PPFIA2: variants seen among roughly 807,000 people sequenced by gnomAD.
The protein encoded by PPFIA2 is PPFI scaffold protein A2, also known as liprin-alpha-2.
In PPFIA2, 46 loss-of-function variants were observed where a neutral mutation model predicts 175.5. The ratio of observed to expected loss-of-function variants is 0.26; its 90% CI spans 0.21 to 0.34. The LOEUF (loss-of-function observed/expected upper bound fraction) is 0.34. Ranked by LOEUF, PPFIA2 falls within the 10% of genes least tolerant of loss-of-function variation. PPFIA2 has a pLI of 1.00. For synonymous variants in PPFIA2, 568 were observed against 511.4 expected (o/e 1.11, Z -1.49); for missense variants, 1,179 against 1,506.1 (o/e 0.78, Z 3.60).
intron 18 of PPFIA2, among the ~76,000 whole-genome samples, chr12:81,345,861 C>T (rs960436659): frequency 4.8e-4 from 73 of 152,130 alleles, no homozygotes; most frequent in African/African-American, 1.7e-3. Flanking sequence ...AATGTAGTTC[C>T]GTATGTTTGG....
At chr12:81,414,280 T>C (rs1399315644) in intron 7 of PPFIA2, among the ~76,000 whole-genome samples, 1 of 151,730 alleles carries the variant, frequency 6.6e-6, no homozygotes, top group African/African-American at 2.4e-5. Context: ...GTGGTCTGAT[T>C]GCAGGGGGCT....
At chr12:81,479,823 C>G (rs889535737) in intron 4 of PPFIA2, among the ~76,000 whole-genome samples, 3 of 152,138 alleles carry the variant, frequency 2.0e-5, no homozygotes, top group Non-Finnish European at 4.4e-5. Flanking sequence ...ACATTTTTCT[C>G]TGGCTGCCCT....
chr12:81,649,091 A>C (rs1426411746), intron 4 of PPFIA2, among the ~76,000 whole-genome samples: 3 of 152,084 alleles, frequency 2.0e-5, no homozygotes, highest in Non-Finnish European at 4.4e-5. Context: ...CCTCAAAAAC[A>C]AGGAAAAAAA....
intron 11 of PPFIA2, 63 bp from the exon 12 acceptor site, chr12:81,369,257 T>C: frequency 1.3e-6 from 2 of 1,564,156 alleles, no homozygotes; most frequent in Non-Finnish European, 1.7e-6. Flanking sequence ...TTCCTCTAAA[T>C]AAATTGAAAT....
rs562804209 is a variant in PPFIA2, at chr12:81,310,946, C to T, written c.2643-11564G>A. On this transcript the variant is annotated intron_variant, in intron 22 of 32. Transcript: ENST00000549396. ...GCATACAAAATATTTATATAGCCAA[C>T]TAGTAATATGTTTAATAGTTTCCTG... Among the ~76,000 whole-genome samples, 6 of 152,180 alleles carry T rather than the reference C, an allele frequency of 3.9e-5. No homozygotes were observed. In the East Asian group the frequency reaches 9.7e-4, roughly 25 times the overall value.
intron 17 of PPFIA2, among the ~76,000 whole-genome samples, chr12:81,352,434 A>ATC (rs749637858): frequency 1.4e-4 from 21 of 148,278 alleles, no homozygotes; most frequent in Non-Finnish European, 2.1e-4. Flanking sequence ...TTAATGTTCT[A>ATC]TCTCTCTCTC....
intron 4 of PPFIA2, chr12:81,598,013 T>TTCATATCCGAGAAAATCATTTCTGA: frequency 6.5e-7 from 1 of 1,535,124 alleles, no homozygotes. Flanking sequence ...AGAAACGGTG[T>TTCATATCCGAGAAAATCATTTCTGA]TCATATCCGA....
At chr12:81,579,261 C>T (rs2074051717) in intron 4 of PPFIA2, among the ~76,000 whole-genome samples, 2 of 151,672 alleles carry the variant, frequency 1.3e-5, no homozygotes, top group African/African-American at 2.4e-5. Context: ...ATTGTGTACT[C>T]GAGGAATAGC....
intron 27 of PPFIA2, 78 bp from the exon 28 acceptor site, chr12:81,277,492 T>A (rs1040270740): frequency 1.3e-4 from 181 of 1,396,570 alleles, no homozygotes; most frequent in Non-Finnish European, 1.6e-4. Context: ...TTAGCCATAG[T>A]CAACACTATG....
chr12:81,500,869 T>A (rs962617066), intron 4 of PPFIA2, among the ~76,000 whole-genome samples: 1 of 152,228 alleles, frequency 6.6e-6, no homozygotes, highest in Non-Finnish European at 1.5e-5. Context: ...TCTTTGTAAA[T>A]AGACTTGCCT....
intron 4 of PPFIA2, among the ~76,000 whole-genome samples, chr12:81,508,347 C>A (rs768869933): frequency 1.3e-5 from 2 of 151,656 alleles, no homozygotes; most frequent in African/African-American, 4.8e-5. Flanking sequence ...CATAGAGAAA[C>A]CCCGTTTCTA....
intron 4 of PPFIA2, among the ~76,000 whole-genome samples, chr12:81,580,451 A>G (rs1027711022): frequency 2.0e-5 from 3 of 151,868 alleles, no homozygotes; most frequent in Non-Finnish European, 4.4e-5. Flanking sequence ...TTTGAATAGC[A>G]CGGTATGGTT....
intron 5 of PPFIA2, among the ~76,000 whole-genome samples, chr12:81,452,420 C>T (rs923998768): frequency 2.6e-5 from 4 of 152,246 alleles, no homozygotes; most frequent in African/African-American, 9.6e-5. Flanking sequence ...AATTGGTTGC[C>T]TTCTTACTCA....
chr12:81,642,791 ATG>A (rs2065427973), intron 4 of PPFIA2, among the ~76,000 whole-genome samples: 1 of 41,484 alleles, frequency 2.4e-5, no homozygotes, highest in East Asian at 6.3e-4. Context: ...ATATACATAC[ATG>A]TATATGTATG....
chr12:81,666,465 C>T (rs2070313980), intron 4 of PPFIA2, among the ~76,000 whole-genome samples: 1 of 152,102 alleles, frequency 6.6e-6, no homozygotes, highest in Non-Finnish European at 1.5e-5. Flanking sequence ...TTTGTAGGGA[C>T]ACGGATGAAG....
intron 8 of PPFIA2, among the ~76,000 whole-genome samples, chr12:81,392,569 AC>A (rs1007229574): frequency 2.0e-5 from 3 of 151,754 alleles, no homozygotes; most frequent in African/African-American, 7.3e-5. Context: ...AAGGCCTTTC[AC>A]CCCTGCCATA....
chr12:81,358,397 G>T (rs1226509950), intron 15 of PPFIA2, among the ~76,000 whole-genome samples, 180 bp from the exon 16 acceptor site: 1 of 152,114 alleles, frequency 6.6e-6, no homozygotes, highest in Admixed American at 6.6e-5. Flanking sequence ...GTCAGAAGCT[G>T]CAGTCTTAGG....
intron 4 of PPFIA2, among the ~76,000 whole-genome samples, chr12:81,604,468 T>C (rs2060090628): frequency 6.6e-6 from 1 of 151,764 alleles, no homozygotes; most frequent in Non-Finnish European, 1.5e-5. Flanking sequence ...TTTCACACTT[T>C]TGGTTAGTAT....
intron 8 of PPFIA2, among the ~76,000 whole-genome samples, chr12:81,392,246 T>C (rs1235172070): frequency 6.6e-6 from 1 of 151,862 alleles, no homozygotes; most frequent in African/African-American, 2.4e-5. Flanking sequence ...AGATTTGTAG[T>C]CTTCGATTAG....
Sources: allele counts gnomAD v4.1 joint callset (sites outside exome capture counted in the v4.1 genomes callset), GRCh38; gene constraint gnomAD v4.1.1; transcripts MANE v1.5; gene names NCBI Gene and HGNC (gene_info 2026-07-23, HGNC 2026-07-21).